The following ABLIM2 variants were observed in gnomAD, a reference collection of about 807,000 sequenced individuals.
The protein encoded by ABLIM2 is actin binding LIM protein family member 2.
Under a neutral mutation model 97.7 loss-of-function variants are expected in ABLIM2, and 53 were observed. The observed-to-expected ratio is 0.54, with a 90% confidence interval of 0.44 to 0.68. The LOEUF (loss-of-function observed/expected upper bound fraction) is 0.68. Ranked by LOEUF, ABLIM2 falls within the 30% of genes least tolerant of loss-of-function variation. ABLIM2 has a pLI of 0.00. For synonymous variants in ABLIM2, 361 were observed against 345.8 expected (o/e 1.04, Z -0.49); for missense variants, 835 against 867.2 (o/e 0.96, Z 0.47).
chr4:8,062,458 C>T (rs568680007), intron 6 of ABLIM2, among the ~76,000 whole-genome samples: 111 of 148,126 alleles, frequency 7.5e-4, no homozygotes, highest in Admixed American at 2.1e-3. Flanking sequence ...TTTTTTGAGA[C>T]GGAGTCTCAC....
chr4:8,010,838 C>G (rs1764477970), intron 14 of ABLIM2: 2 of 153,212 alleles, frequency 1.3e-5, no homozygotes, highest in Non-Finnish European at 2.9e-5. Flanking sequence ...CAGCGGAGCC[C>G]TTGAGTGTGC....
At chr4:8,020,496 C>T (rs1177446847) in intron 12 of ABLIM2, 193 bp from the exon 13 acceptor site, 1 of 671,380 alleles carries the variant, frequency 1.5e-6, no homozygotes, top group African/African-American at 1.8e-5. Context: ...ACTTGCTAAT[C>T]CAACCCTGAG....
chr4:8,029,608 GA>G (rs1170066296), intron 11 of ABLIM2, 47 bp downstream of exon 11: 36 of 1,202,816 alleles, frequency 3.0e-5, no homozygotes, highest in Non-Finnish European at 3.6e-5. Context: ...AAAAAAAAAG[GA>G]AAAGGACAGC....
rs373572806 is a variant in ABLIM2, at chr4:7,989,541, T to C, written c.1680+3325A>G. ...ATAATGAATTAGTGTTCTCCTTTTATACTATTAATTTTATTAATTCCTTTT... is the reference window on the plus strand; with the variant it reads ...ATAATGAATTAGTGTTCTCCTTTTACACTATTAATTTTATTAATTCCTTTT... On this transcript the variant is annotated intron_variant, in intron 17 of 20. Coordinates refer to ENST00000447017, the MANE Select transcript of ABLIM2 (RefSeq NM_001130083.2). 7.2e-5 allele frequency: 36 copies of C among 499,174 alleles called. No individual in the cohort carries two copies. In the East Asian group the frequency reaches 3.8e-3, roughly 52 times the overall value. The allele number at this position is 499,174 out of a possible 1,614,324, so 30.9% of individuals were successfully genotyped here. A position where few individuals can be genotyped will look rare whatever the true frequency, so the allele number is the denominator to read the frequency against.
intron 3 of ABLIM2, among the ~76,000 whole-genome samples, chr4:8,093,698 A>C (rs1184477100): frequency 2.6e-5 from 4 of 152,224 alleles, no homozygotes; most frequent in Non-Finnish European, 5.9e-5. Flanking sequence ...GTCTCCTAGC[A>C]TACATAGTTT....
In ABLIM2 at chr4:8,019,764, C is replaced by A; in HGVS notation, c.1370-93G>T. 1 of 1,219,908 alleles carries A rather than the reference C, an allele frequency of 8.2e-7. No homozygotes were observed. The highest frequency in any genetic ancestry group is 1.2e-6 in the Non-Finnish European group (1 of 844,178). The allele number at this position is 1,219,908 out of a possible 1,614,324, so 75.6% of individuals were successfully genotyped here. On this transcript the variant is annotated intron_variant, in intron 13 of 20. Transcript: ENST00000447017. This position sits in a 1 kb window ranked among gnomAD's most constrained non-coding sequence, Gnocchi z 4.3. ...TCTACAGCTTTTTGTAAGCAACAAG[C>A]ACTCACCCAGATTTAGAATCATCAG...
chr4:8,010,440 C>T (rs16841559), intron 14 of ABLIM2: 339,839 of 985,626 alleles, frequency 0.34, 59,216 homozygotes, highest in East Asian at 0.54. Context: ...CTGCAGCGGG[C>T]GGCGGGCTCG....
intron 6 of ABLIM2, among the ~76,000 whole-genome samples, chr4:8,062,438 C>CTT (rs999245352): frequency 4.2e-5 from 6 of 143,582 alleles, no homozygotes; most frequent in Non-Finnish European, 6.1e-5. Context: ...GGGTAGCACT[C>CTT]TTTTTTTTTT....
chr4:8,129,216 C>T (rs932597537), intron 1 of ABLIM2, among the ~76,000 whole-genome samples: 1 of 152,254 alleles, frequency 6.6e-6, no homozygotes, highest in Non-Finnish European at 1.5e-5. Flanking sequence ...AGAGGAAACA[C>T]TCTCAATGCC....
At position 8,150,063 on chromosome 4, in the gene ABLIM2, G is replaced by A. The variant is rs1712115825; in HGVS notation, c.10+8617C>T. On this transcript the variant is annotated intron_variant, in intron 1 of 20. Transcript: ENST00000447017. This position sits in a 1 kb window ranked among gnomAD's most constrained non-coding sequence, Gnocchi z 6.3. ...CAAGTTCCCACTGCACCTACTCAGG[G>A]AGCCTAAATGGAGAGAGTTGTGGGG... Among the ~76,000 whole-genome samples, 1 of 152,184 alleles carries A rather than the reference G, an allele frequency of 6.6e-6. No homozygotes were observed. Among genetic ancestry groups the A allele is most frequent in the African/African-American group, 2.4e-5 (1 of 41,446 alleles).
At chr4:8,111,304 C>T (rs1333512714) in intron 1 of ABLIM2, among the ~76,000 whole-genome samples, 1 of 152,176 alleles carries the variant, frequency 6.6e-6, no homozygotes, top group Non-Finnish European at 1.5e-5. Flanking sequence ...ATGAAGGAGA[C>T]AGTAAGAGGA....
intron 1 of ABLIM2, among the ~76,000 whole-genome samples, chr4:8,111,579 G>A (rs982030423): frequency 1.3e-5 from 2 of 152,174 alleles, no homozygotes; most frequent in Admixed American, 6.5e-5. Context: ...GGAACTCTCT[G>A]TGTCTTATCT....
At position 7,986,605 on chromosome 4, in the gene ABLIM2, C is replaced by A. The variant is rs960452259; in HGVS notation, c.1681-1712G>T. Reference sequence around the variant, plus strand: ...CTCACTCTAGTTCTGGGCCTGGACCCTGAGCCAGGGTCCTCTTGCCTCCAC... The same window carrying A: ...CTCACTCTAGTTCTGGGCCTGGACCATGAGCCAGGGTCCTCTTGCCTCCAC... On this transcript the variant is annotated intron_variant, in intron 17 of 20. Transcript: ENST00000447017. This position sits in a 1 kb window ranked among gnomAD's most constrained non-coding sequence, Gnocchi z 4.3. Among the ~76,000 whole-genome samples the A allele has an allele frequency of 1.3e-5, 2 of 152,228 alleles. No individual in the cohort carries two copies. The highest frequency in any genetic ancestry group is 2.9e-5 in the Non-Finnish European group (2 of 68,032).
At chr4:8,106,351 C>A (rs944365279) in intron 2 of ABLIM2, 143 bp downstream of exon 2, 10 of 1,192,716 alleles carry the variant, frequency 8.4e-6, no homozygotes, top group Non-Finnish European at 1.2e-5. Context: ...AAAGATCCCA[C>A]TCTCCTCTGA....
In ABLIM2 at chr4:8,070,215, C is replaced by T. The variant is rs959762372; in HGVS notation, c.675+7413G>A. On this transcript the variant is annotated intron_variant, in intron 6 of 20. Coordinates refer to ENST00000447017, the MANE Select transcript of ABLIM2 (RefSeq NM_001130083.2). ...GCTGTGTCTGTCTTGTGTGTGTGACCGCGTGTGTCTGTGTTTTGTCCTGTG... is the reference window on the plus strand; with the variant it reads ...GCTGTGTCTGTCTTGTGTGTGTGACTGCGTGTGTCTGTGTTTTGTCCTGTG... 4.8e-5 allele frequency among the ~76,000 whole-genome samples: 7 copies of T among 146,784 alleles called. No individual in the cohort carries two copies. In the South Asian group the frequency reaches 6.7e-4, roughly 14 times the overall value.
rs1415498671 is a variant in ABLIM2, at chr4:8,092,207, G to A, written c.339-3923C>T. ...GAGATGGGGTTTCACCATGTTAGCC[G>A]GGCTGGTCTCGAACTCCTGACCTCA... On this transcript the variant is annotated intron_variant, in intron 3 of 20. Coordinates refer to ENST00000447017, the MANE Select transcript of ABLIM2 (RefSeq NM_001130083.2). Among the ~76,000 whole-genome samples, 16 of 151,300 alleles carry A rather than the reference G, an allele frequency of 1.1e-4. 1 individual carries two copies. The highest frequency in any genetic ancestry group is 9.3e-4 in the Admixed American group (14 of 15,112).
intron 6 of ABLIM2, among the ~76,000 whole-genome samples, chr4:8,063,908 G>A (rs138593818): frequency 1.7e-3 from 254 of 152,210 alleles, no homozygotes; most frequent in Middle Eastern, 3.4e-3. Context: ...CATTCCTTTC[G>A]TTACCAGGGA....
rs1014125865 is a variant in ABLIM2 at position 7,999,890 on chromosome 4, T to A, written c.1619-6963A>T. 1.1e-4 allele frequency among the ~76,000 whole-genome samples: 17 copies of A among 152,306 alleles called. No homozygotes were observed. The highest frequency in any genetic ancestry group is 6.5e-4 in the Admixed American group (10 of 15,298). On this transcript the variant is annotated intron_variant, in intron 16 of 20. Transcript: ENST00000447017. This position sits in a 1 kb window ranked among gnomAD's most constrained non-coding sequence, Gnocchi z 4.4. The stretch of plus-strand genomic sequence containing the variant: ...AGGCCTGCTCTTGGGGCCCTGAGCC[T>A]CTTCTCCACAGGTCTGTCCTCTTCC...
Position 8,136,393 on chromosome 4 carries a change from G to A in ABLIM2, c.10+22287C>T, listed in dbSNP as rs1216655786. Among the ~76,000 whole-genome samples the A allele has an allele frequency of 3.3e-5, 5 of 152,226 alleles. No individual in the cohort carries two copies. In the East Asian group the frequency reaches 9.6e-4, roughly 29 times the overall value. On this transcript the variant is annotated intron_variant, in intron 1 of 20. Coordinates refer to ENST00000447017, the MANE Select transcript of ABLIM2 (RefSeq NM_001130083.2). The stretch of plus-strand genomic sequence containing the variant: ...AGCACCGTGTAAGTGTATGTGTTTA[G>A]TGCCACAGGATGGCACACTTAAGAA...
Sources: gnomAD v4.1 joint callset for allele counts (sites outside exome capture counted in the v4.1 genomes callset) on GRCh38, gnomAD v4.1.1 for gene constraint, Gnocchi (gnomAD v3.1) non-coding constraint, MANE v1.5 for transcripts, NCBI Gene and HGNC (gene_info 2026-07-23, HGNC 2026-07-21) for gene names.